ASIC2: variants seen among roughly 807,000 people sequenced by gnomAD.
The protein encoded by ASIC2 is acid sensing ion channel subunit 2.
ASIC2 carries 25 observed loss-of-function variants against 57.3 expected under a neutral mutation model. That is an observed-to-expected ratio of 0.44 (90% CI 0.32 to 0.61). ASIC2 has a LOEUF of 0.61. Among genes scored for constraint, ASIC2 ranks in the 20% least tolerant of loss-of-function variants. The probability of loss-of-function intolerance (pLI) is 0.06; values close to 1 mark genes in which losing one functional copy is unlikely to be tolerated. For synonymous variants in ASIC2, 319 were observed against 307.5 expected (o/e 1.04, Z -0.39); for missense variants, 641 against 738.1 (o/e 0.87, Z 1.52).
At chr17:33,207,171 C>T (rs1450958580) in intron 1 of ASIC2, among the ~76,000 whole-genome samples, 1 of 152,240 alleles carries the variant, frequency 6.6e-6, no homozygotes, top group South Asian at 2.1e-4. Context: ...ACAATATCCC[C>T]GTCCTTAAGC....
intron 1 of ASIC2, among the ~76,000 whole-genome samples, chr17:33,343,621 C>A (rs1907823020): frequency 6.6e-6 from 1 of 152,180 alleles, no homozygotes; most frequent in African/African-American, 2.4e-5. Flanking sequence ...GGTGGGTTGA[C>A]ATGGCTTTGG....
intron 1 of ASIC2, among the ~76,000 whole-genome samples, chr17:33,617,807 A>G (rs1414234330): frequency 6.6e-6 from 1 of 152,188 alleles, no homozygotes; most frequent in Non-Finnish European, 1.5e-5. Context: ...AAAGCCATTT[A>G]GTTTTTTCAT....
intron 1 of ASIC2, among the ~76,000 whole-genome samples, chr17:33,894,671 G>T (rs944644406): frequency 1.3e-5 from 2 of 152,082 alleles, no homozygotes; most frequent in African/African-American, 4.8e-5. Flanking sequence ...TAAATAGTGG[G>T]GTGGATAATC....
intron 1 of ASIC2, among the ~76,000 whole-genome samples, chr17:33,612,550 TC>T (rs1236780460): frequency 6.6e-6 from 1 of 152,212 alleles, no homozygotes; most frequent in Non-Finnish European, 1.5e-5. Context: ...GTCACCAGTA[TC>T]CCTGTGCTCC....
chr17:33,265,410 G>A (rs1909423569), intron 1 of ASIC2, among the ~76,000 whole-genome samples: 1 of 152,292 alleles, frequency 6.6e-6, no homozygotes, highest in East Asian at 1.9e-4. Context: ...CATAGGAACA[G>A]GAAACCAAAC....
At chr17:33,558,262 G>C (rs924777284) in intron 1 of ASIC2, among the ~76,000 whole-genome samples, 2 of 152,150 alleles carry the variant, frequency 1.3e-5, no homozygotes, top group Admixed American at 6.5e-5. Flanking sequence ...CTATGGATCA[G>C]AGTTTTCTAT....
chr17:33,699,333 G>T (rs1908626034), intron 1 of ASIC2, among the ~76,000 whole-genome samples: 1 of 152,128 alleles, frequency 6.6e-6, no homozygotes, highest in Non-Finnish European at 1.5e-5. Flanking sequence ...GCCACACATG[G>T]GGTGCCTGCT....
chr17:33,316,547 C>T (rs1013297149), intron 1 of ASIC2, among the ~76,000 whole-genome samples: 3 of 152,222 alleles, frequency 2.0e-5, no homozygotes, highest in Non-Finnish European at 4.4e-5. Flanking sequence ...CTTGGTCTCC[C>T]AAAGTGCTGG....
intron 3 of ASIC2, among the ~76,000 whole-genome samples, chr17:33,071,248 G>A (rs2092067933): frequency 6.6e-6 from 1 of 152,052 alleles, no homozygotes; most frequent in Non-Finnish European, 1.5e-5. Context: ...AGTATGTTAG[G>A]CCACTGGAAG....
intron 1 of ASIC2, among the ~76,000 whole-genome samples, chr17:33,413,563 G>A (rs1219272820): frequency 6.6e-6 from 1 of 152,186 alleles, no homozygotes; most frequent in Admixed American, 6.5e-5. Flanking sequence ...GGCCAACAAG[G>A]CCTCGCCTAG....
At chr17:33,580,354 G>T (rs1338116523) in intron 1 of ASIC2, 2 of 152,252 alleles carry the variant, frequency 1.3e-5, no homozygotes, top group Non-Finnish European at 2.9e-5. Context: ...GACCATTGTG[G>T]TGGGAGAGAT....
At chr17:33,943,759 A>G (rs1468944208) in intron 1 of ASIC2, among the ~76,000 whole-genome samples, 1 of 151,606 alleles carries the variant, frequency 6.6e-6, no homozygotes, top group Non-Finnish European at 1.5e-5. Flanking sequence ...CATCTGCTGT[A>G]CACACCAGGC....
intron 1 of ASIC2, among the ~76,000 whole-genome samples, chr17:33,767,267 A>G (rs1455221556): frequency 1.3e-5 from 2 of 152,234 alleles, no homozygotes; most frequent in Non-Finnish European, 2.9e-5. Flanking sequence ...CAGGGCGTTC[A>G]AAAGTATATT....
At chr17:33,928,470 T>C (rs1329281802) in intron 1 of ASIC2, among the ~76,000 whole-genome samples, 3 of 152,166 alleles carry the variant, frequency 2.0e-5, no homozygotes, top group Non-Finnish European at 4.4e-5. Context: ...TCTACACCTA[T>C]GCTCTTTATG....
chr17:33,379,247 T>C (rs1504581), intron 1 of ASIC2, among the ~76,000 whole-genome samples: 48,119 of 152,030 alleles, frequency 0.32, 8,014 homozygotes, highest in Middle Eastern at 0.39. Context: ...CTGAACAAGT[T>C]ACTTACTCCT....
intron 1 of ASIC2, among the ~76,000 whole-genome samples, chr17:33,236,596 CTCCCAA>C (rs1908305597): frequency 6.6e-6 from 1 of 152,164 alleles, no homozygotes; most frequent in Admixed American, 6.5e-5. Flanking sequence ...CTGCCTCAGC[CTCCCAA>C]AGTGCTGGGA....
chr17:33,672,258 G>A (rs1718162358), intron 1 of ASIC2, among the ~76,000 whole-genome samples: 1 of 152,102 alleles, frequency 6.6e-6, no homozygotes, highest in Non-Finnish European at 1.5e-5. Context: ...CAACTGTGCA[G>A]GAAGGAAGGA....
rs114686963 is a variant in ASIC2, at chr17:33,416,468, G to A, written c.556-304401C>T. On this transcript the variant is annotated intron_variant, in intron 1 of 9. Coordinates refer to the ASIC2 transcript ENST00000359872. Reference sequence around the variant, plus strand: ...CCTTCCTCTTTGCTGACTGGTTACTGGTTTTAATTTTGAGGGTCTCATGAT... The same window carrying A: ...CCTTCCTCTTTGCTGACTGGTTACTAGTTTTAATTTTGAGGGTCTCATGAT... Among the ~76,000 whole-genome samples the A allele has an allele frequency of 1.7e-3, 264 of 152,248 alleles. 1 individual carries two copies. The highest frequency in any genetic ancestry group is 5.9e-3 in the African/African-American group (247 of 41,554).
At chr17:33,219,209 C>T (rs931496405) in intron 1 of ASIC2, among the ~76,000 whole-genome samples, 13 of 152,090 alleles carry the variant, frequency 8.5e-5, no homozygotes, top group African/African-American at 2.2e-4. Context: ...GATGGCTTCC[C>T]GGCACAGGAA....
Sources: allele counts gnomAD v4.1 joint callset (sites outside exome capture counted in the v4.1 genomes callset), GRCh38; gene constraint gnomAD v4.1.1; transcripts MANE v1.5; gene names NCBI Gene and HGNC (gene_info 2026-07-23, HGNC 2026-07-21).